Variants in TSHR observed in about 807,000 individuals in gnomAD.
TSHR encodes the protein thyrotropin receptor.
TSHR carries 51 observed loss-of-function variants against 64.1 expected under a neutral mutation model. That is an observed-to-expected ratio of 0.80 (90% CI 0.64 to 1.01). The LOEUF (loss-of-function observed/expected upper bound fraction) is 1.01. Ranked by LOEUF, TSHR falls within the 50% of genes least tolerant of loss-of-function variation. TSHR has a pLI of 0.00. For synonymous variants in TSHR, 361 were observed against 361.9 expected (o/e 1.00, Z 0.03); for missense variants, 877 against 942.8 (o/e 0.93, Z 0.91).
intron 1 of TSHR, chr14:81,013,023 A>G (rs1352745842): frequency 2.0e-5 from 3 of 152,168 alleles, no homozygotes; most frequent in Non-Finnish European, 2.9e-5. Flanking sequence ...GCCCATGCCT[A>G]TGTCCTGAAT....
chr14:81,005,240 T>TGTGTGC (rs1889540027), intron 1 of TSHR, among the ~76,000 whole-genome samples: 1 of 115,460 alleles, frequency 8.7e-6, no homozygotes, highest in Non-Finnish European at 1.7e-5. Flanking sequence ...TGTGTGTGTG[T>TGTGTGC]GCACGCACGC....
chr14:80,990,232 C>T (rs530295838), intron 1 of TSHR, among the ~76,000 whole-genome samples: 1 of 152,344 alleles, frequency 6.6e-6, no homozygotes, highest in African/African-American at 2.4e-5. Flanking sequence ...ACTACTGCTT[C>T]CCAGCGAACC....
rs1369204545 is a variant in TSHR, at chr14:81,143,323, G to A, written c.1265G>A (p.Trp422Ter). The A allele has an allele frequency of 3.1e-6, 5 of 1,614,012 alleles. No homozygotes were observed. The highest frequency in any genetic ancestry group is 2.7e-5 in the African/African-American group (2 of 74,896). The change falls in exon 10 of 10, where the codon TGG becomes TAG. Residue 422 changes from tryptophan to a stop codon, truncating the protein, a stop_gained. Coordinates refer to ENST00000298171, the MANE Select transcript of TSHR (RefSeq NM_000369.5). LOFTEE classifies it high-confidence loss of function. ...MGYKFLRIVVWFVSLLALLGN... is the reference protein window; with the variant it reads ...MGYKFLRIVV Reference sequence around the variant, plus strand: ...TACAAGTTCCTGAGAATTGTGGTGTGGTTCGTTAGTCTGCTGGCTCTCCTG... The same window carrying A: ...TACAAGTTCCTGAGAATTGTGGTGTAGTTCGTTAGTCTGCTGGCTCTCCTG...
chr14:81,083,097 C>T lies in TSHR; in HGVS notation c.318-4857C>T, dbSNP rs146282806. ...CCCCTTCTTCTGTTCCTCATTCCCT[C>T]GCCTGAGAACTCCCTTCTCTCATCC... On this transcript the variant is annotated intron_variant, in intron 3 of 9. Coordinates refer to ENST00000298171, the MANE Select transcript of TSHR (RefSeq NM_000369.5). Among the ~76,000 whole-genome samples the T allele has an allele frequency of 1.8e-3, 267 of 152,256 alleles. 1 individual carries two copies. Among genetic ancestry groups the T allele is most frequent in the Middle Eastern group, 0.014 (4 of 294 alleles).
At chr14:81,018,726 G>C (rs1029317672) in intron 1 of TSHR, among the ~76,000 whole-genome samples, 1 of 152,144 alleles carries the variant, frequency 6.6e-6, no homozygotes, top group African/African-American at 2.4e-5. Context: ...CATAGTTCCT[G>C]AACATAGCAC....
At position 81,103,414 on chromosome 14, in the gene TSHR, AT is replaced by A; in HGVS notation, c.615-4960del. On this transcript the variant is annotated intron_variant, in intron 7 of 9. Transcript: ENST00000298171. This position sits in a 1 kb window ranked among gnomAD's most constrained non-coding sequence, Gnocchi z 4.1. ...TCATCCAAAAGAGCAATCATCCCCT[AT>A]CATTCCACTTCATGACAATTTACTG... 1.0e-6 allele frequency: 1 copy of A among 985,464 alleles called. No homozygotes were observed. Among genetic ancestry groups the A allele is most frequent in the Non-Finnish European group, 1.2e-6 (1 of 829,940 alleles). 61.0% of individuals were successfully genotyped at this position (985,464 alleles called of 1,614,324 possible). A position where few individuals can be genotyped will look rare whatever the true frequency, so the allele number is the denominator to read the frequency against.
At chr14:81,011,019 G>C (rs114566748) in intron 1 of TSHR, among the ~76,000 whole-genome samples, 1 of 152,084 alleles carries the variant, frequency 6.6e-6, no homozygotes, top group Non-Finnish European at 1.5e-5. Flanking sequence ...CACTGTTCTT[G>C]TATCTTACTG....
intron 1 of TSHR, chr14:81,053,865 A>C (rs1885581021): frequency 6.6e-6 from 1 of 152,234 alleles, no homozygotes; most frequent in African/African-American, 2.4e-5. Flanking sequence ...AATAAAAATC[A>C]CTACTGATAC....
intron 1 of TSHR, among the ~76,000 whole-genome samples, chr14:80,980,291 A>C (rs1888102467): frequency 6.6e-6 from 1 of 152,212 alleles, no homozygotes; most frequent in Admixed American, 6.5e-5. Context: ...AAAGCACAAA[A>C]ATAGCAACAC....
At position 80,999,094 on chromosome 14, in the gene TSHR, G is replaced by A. The variant is rs777882920; in HGVS notation, c.170+43244G>A. ...GGCAGTAGTTATTATAATTTCCGTGGACTTACAGAGTTTTAGAGACTTGGA... is the reference window on the plus strand; with the variant it reads ...GGCAGTAGTTATTATAATTTCCGTGAACTTACAGAGTTTTAGAGACTTGGA... On this transcript the variant is annotated intron_variant, in intron 1 of 9. Transcript: ENST00000298171. Among the ~76,000 whole-genome samples, 6 of 152,234 alleles carry A rather than the reference G, an allele frequency of 3.9e-5. No homozygotes were observed. The East Asian group carries it at 1.2e-3, about 29-fold the overall frequency.
chr14:80,994,104 G>GA (rs1423310894), intron 1 of TSHR: 1 of 151,956 alleles, frequency 6.6e-6, no homozygotes, highest in East Asian at 1.9e-4. Context: ...CCTTTATGAT[G>GA]AGTCACTTCC....
chr14:81,092,876 T>C (rs1011462119), intron 6 of TSHR, among the ~76,000 whole-genome samples: 3 of 152,208 alleles, frequency 2.0e-5, no homozygotes, highest in African/African-American at 7.2e-5. Flanking sequence ...TTACAGACCA[T>C]GCAACCTCTG....
At chr14:81,010,448 A>C (rs1018468726) in intron 1 of TSHR, among the ~76,000 whole-genome samples, 2 of 151,448 alleles carry the variant, frequency 1.3e-5, no homozygotes, top group African/African-American at 4.8e-5. Flanking sequence ...ATCTTGTATG[A>C]GTTTCATTTA....
chr14:81,026,299 G>A (rs1452341295), intron 1 of TSHR, among the ~76,000 whole-genome samples: 1 of 152,174 alleles, frequency 6.6e-6, no homozygotes, highest in Non-Finnish European at 1.5e-5. Flanking sequence ...GGATGGATGA[G>A]TAAAGAAAGA....
chr14:81,011,347 T>G (rs1889895566), intron 1 of TSHR, among the ~76,000 whole-genome samples: 1 of 152,070 alleles, frequency 6.6e-6, no homozygotes, highest in Admixed American at 6.6e-5. Flanking sequence ...AAATAATAAT[T>G]TATTCAGTTA....
chr14:81,059,443 A>G lies in TSHR; in HGVS notation c.171-2705A>G, dbSNP rs558718564. On this transcript the variant is annotated intron_variant, in intron 1 of 9. Coordinates refer to ENST00000298171, the MANE Select transcript of TSHR (RefSeq NM_000369.5). The stretch of plus-strand genomic sequence containing the variant: ...GTGTATTTTTTTAGATTATGCGCAC[A>G]TTACTATGAAAATATCCAGGCAAAA... 2.0e-5 allele frequency among the ~76,000 whole-genome samples: 3 copies of G among 152,298 alleles called. No individual in the cohort carries two copies. In the East Asian group the frequency reaches 5.8e-4, roughly 29 times the overall value.
At chr14:81,078,180 G>T (rs1900530077) in intron 3 of TSHR, among the ~76,000 whole-genome samples, 1 of 151,880 alleles carries the variant, frequency 6.6e-6, no homozygotes, top group South Asian at 2.1e-4. Flanking sequence ...TTTCCCTTTA[G>T]CCCAAAAAAC....
At chr14:81,098,123 G>A (rs1331889603) in intron 7 of TSHR, among the ~76,000 whole-genome samples, 1 of 152,172 alleles carries the variant, frequency 6.6e-6, no homozygotes, top group South Asian at 2.1e-4. Context: ...GGAAAACACA[G>A]ATGAACAGGA....
intron 7 of TSHR, chr14:81,105,061 C>A: frequency 1.0e-6 from 1 of 985,326 alleles, no homozygotes; most frequent in Non-Finnish European, 1.2e-6. Flanking sequence ...TTATGTTCAT[C>A]TTCTCCTTGC....
Sources: allele counts gnomAD v4.1 joint callset (sites outside exome capture counted in the v4.1 genomes callset), GRCh38; gene constraint gnomAD v4.1.1; non-coding constraint Gnocchi (gnomAD v3.1); transcripts MANE v1.5; gene names NCBI Gene and HGNC (gene_info 2026-07-23, HGNC 2026-07-21).